The following IGSF3 variants were observed in gnomAD, a reference collection of about 807,000 sequenced individuals.
The protein encoded by IGSF3 is glu-Trp-Ile EWI motif-containing protein 3.
In IGSF3, 23 loss-of-function variants were observed where a neutral mutation model predicts 114.4. The observed-to-expected ratio is 0.20, with a 90% CI of 0.14 to 0.28. IGSF3 has a LOEUF of 0.28. Ranked by LOEUF, IGSF3 falls within the 10% of genes least tolerant of loss-of-function variation. IGSF3 has a pLI of 1.00. For missense variants in IGSF3, 1,172 were observed against 1,591.5 expected (o/e 0.74, Z 4.48); for synonymous variants, 571 against 645.2 (o/e 0.88, Z 1.74).
In IGSF3 at chr1:116,584,793, C is replaced by G. The variant is rs1409867962; in HGVS notation, c.2700G>C (p.Val900=). 6.2e-7 allele frequency: 1 copy of G among 1,614,262 alleles called. No individual in the cohort carries two copies. Among genetic ancestry groups the G allele is most frequent in the Non-Finnish European group, 8.5e-7 (1 of 1,180,048 alleles). The change falls in exon 9 of 11, where the codon GTG becomes GTC. Residue 900 remains valine, a synonymous_variant. Coordinates refer to ENST00000369486, the MANE Select transcript of IGSF3 (RefSeq NM_001007237.3). The surrounding 1 kb of genome is among the most constrained non-coding windows in gnomAD (Gnocchi z 5.8). Reference sequence around the variant, plus strand: ...CCACGTTCTGGATGAAGAGACGGTACACGCCGGGGGAAGGACTCTCCAAAT... The same window carrying G: ...CCACGTTCTGGATGAAGAGACGGTAGACGCCGGGGGAAGGACTCTCCAAAT... The part of the protein sequence containing the change: ...RLHLESPSPG[V]YRLFIQNVAV...
rs752695526 is a variant in IGSF3 at position 116,613,853 on chromosome 1, G to A, written c.744C>T (p.Ala248=). The A allele has an allele frequency of 4.1e-5, 66 of 1,613,858 alleles. No individual in the cohort carries two copies. Among genetic ancestry groups the A allele is most frequent in the Admixed American group, 1.0e-4 (6 of 59,996 alleles). ...PSDQGEFYCE[A]AEWIQDPDGS... Reference sequence around the variant, plus strand: ...CATCCGGATCCTGGATCCACTCGGCGGCCTCGCAGTAGAATTCGCCCTGGT... The same window carrying A: ...CATCCGGATCCTGGATCCACTCGGCAGCCTCGCAGTAGAATTCGCCCTGGT... Residue 248 remains alanine (A), a synonymous_variant, in exon 4 of 11, where the codon GCC becomes GCT. Coordinates refer to ENST00000369486, the MANE Select transcript of IGSF3 (RefSeq NM_001007237.3).
intron 2 of IGSF3, among the ~76,000 whole-genome samples, chr1:116,639,337 C>T (rs923715063): frequency 2.6e-5 from 4 of 152,214 alleles, no homozygotes; most frequent in East Asian, 1.9e-4. Flanking sequence ...CCCTTAATTC[C>T]GTGAAACATC....
In IGSF3 at chr1:116,588,896, C is replaced by G. The variant is rs1659969359; in HGVS notation, c.2238G>C (p.Glu746Asp). The G allele has an allele frequency of 4.3e-6, 7 of 1,614,230 alleles. No homozygotes were observed. Among genetic ancestry groups the G allele is most frequent in the Middle Eastern group, 3.3e-4 (2 of 6,062 alleles). Reference protein sequence around the residue: ...NSAFEYGTYAEEEGLRARLQF... With the variant: ...NSAFEYGTYADEEGLRARLQF... ...GGAGCCTGGCTCTCAGGCCCTCCTCCTCGGCGTAAGTACCGTATTCAAAGG... is the reference window on the plus strand; with the variant it reads ...GGAGCCTGGCTCTCAGGCCCTCCTCGTCGGCGTAAGTACCGTATTCAAAGG... Residue 746 changes from glutamate to aspartate, a missense_variant, in exon 8 of 11, where the codon GAG (glutamate) becomes GAC (aspartate). By Grantham distance (45) the Glu-to-Asp change is conservative. Transcript: ENST00000369486. The surrounding 1 kb of genome is among the most constrained non-coding windows in gnomAD (Gnocchi z 4.9).
At position 116,585,018 on chromosome 1, in the gene IGSF3, G is replaced by A. The variant is rs376786283; in HGVS notation, c.2475C>T (p.Asn825=). Residue 825 remains asparagine (N), a synonymous_variant, in exon 9 of 11, where the codon AAC becomes AAT. Coordinates refer to ENST00000369486, the MANE Select transcript of IGSF3 (RefSeq NM_001007237.3). This position sits in a 1 kb window ranked among gnomAD's most constrained non-coding sequence, Gnocchi z 4.9. The part of the protein sequence containing the change: ...SRLRLSQAQG[N]LSVLETRQVQ... ...CCTGCCGGGTCTCCAGAACCGACAGGTTCCCCTGGGCTTGGCTGAGCCTCA... is the reference window on the plus strand; with the variant it reads ...CCTGCCGGGTCTCCAGAACCGACAGATTCCCCTGGGCTTGGCTGAGCCTCA... 7.7e-6 allele frequency: 12 copies of A among 1,560,276 alleles called. No homozygotes were observed. Among genetic ancestry groups the A allele is most frequent in the African/African-American group, 1.4e-5 (1 of 73,776 alleles).
intron 2 of IGSF3, among the ~76,000 whole-genome samples, chr1:116,620,562 C>G (rs1372751068): frequency 6.6e-6 from 1 of 152,098 alleles, no homozygotes; most frequent in Non-Finnish European, 1.5e-5. Context: ...AATGTGACTT[C>G]CAGGGCTAGG....
Position 116,612,331 on chromosome 1 carries a change from C to T in IGSF3, c.832+1434G>A, listed in dbSNP as rs4127974. On this transcript the variant is annotated intron_variant, in intron 4 of 10. Transcript: ENST00000369486. This position sits in a 1 kb window ranked among gnomAD's most constrained non-coding sequence, Gnocchi z 4.1. ...TGCTCCCTATCCCTACCAACCCCTA[C>T]GGTAAAAGATTTCACATCCATTAGA... is the stretch of plus-strand genomic sequence containing the variant. Among the ~76,000 whole-genome samples, 72 of 152,198 alleles carry T rather than the reference C, an allele frequency of 4.7e-4. No individual in the cohort carries two copies. The highest frequency in any genetic ancestry group is 1.7e-3 in the African/African-American group (70 of 41,540).
At position 116,647,728 on chromosome 1, in the gene IGSF3, G is replaced by A. The variant is rs1300345449; in HGVS notation, c.43+18556C>T. Among the ~76,000 whole-genome samples, 5 of 152,220 alleles carry A rather than the reference G, an allele frequency of 3.3e-5. No individual in the cohort carries two copies. The highest frequency in any genetic ancestry group is 1.3e-4 in the Admixed American group (2 of 15,284). ...GAACAAGACAAACAAACGAAAGGCC[G>A]ACTGACAGACCACTCGGGTAGCACT... On this transcript the variant is annotated intron_variant, in intron 2 of 10. Transcript: ENST00000369486. The surrounding 1 kb of genome is among the most constrained non-coding windows in gnomAD (Gnocchi z 4.6).
At chr1:116,586,374 T>C (rs1016182820) in intron 8 of IGSF3, among the ~76,000 whole-genome samples, 1 of 152,100 alleles carries the variant, frequency 6.6e-6, no homozygotes, top group Non-Finnish European at 1.5e-5. Flanking sequence ...AGTTTTGTTT[T>C]TTTGGGGGGG....
Position 116,607,929 on chromosome 1 carries a change from T to A in IGSF3, c.1222+13A>T. ...AGCCAAAGGAGAAGAAAGCAGCACA[T>A]CTCTCTACTTACTGAGGGGGAGGAC... On this transcript the variant is annotated intron_variant, in intron 5 of 10. Coordinates refer to ENST00000369486, the MANE Select transcript of IGSF3 (RefSeq NM_001007237.3). This position sits in a 1 kb window ranked among gnomAD's most constrained non-coding sequence, Gnocchi z 6.1. 1 of 1,612,454 alleles carries A rather than the reference T, an allele frequency of 6.2e-7. No homozygotes were observed. Among genetic ancestry groups the A allele is most frequent in the South Asian group, 1.1e-5 (1 of 90,958 alleles).
rs147833308 is a variant in IGSF3 at position 116,610,893 on chromosome 1, G to C, written c.833-2562C>G. ...ACCTGATGGATGGGCTCTTTCATTA[G>C]AATTTACAAAAACAAAAGGCAGCCA... On this transcript the variant is annotated intron_variant, in intron 4 of 10. Coordinates refer to ENST00000369486, the MANE Select transcript of IGSF3 (RefSeq NM_001007237.3). The surrounding 1 kb of genome is among the most constrained non-coding windows in gnomAD (Gnocchi z 4.3). Among the ~76,000 whole-genome samples the C allele has an allele frequency of 2.5e-3, 375 of 152,260 alleles. No individual in the cohort carries two copies. The highest frequency in any genetic ancestry group is 3.6e-3 in the Non-Finnish European group (246 of 68,026).
At chr1:116,631,041 G>A (rs1219820213) in intron 2 of IGSF3, among the ~76,000 whole-genome samples, 2 of 152,112 alleles carry the variant, frequency 1.3e-5, no homozygotes, top group African/African-American at 2.4e-5. Flanking sequence ...GGGCTTGGCC[G>A]GGCATGGTGG....
chr1:116,579,896 C>T lies in IGSF3; in HGVS notation c.2849-19G>A. ...GAAGCATCTGGGGAATGACAAGGGA[C>T]AAACAGGGAAGGGGTTGTTTAAATT... On this transcript the variant is annotated intron_variant, in intron 9 of 10. Coordinates refer to ENST00000369486, the MANE Select transcript of IGSF3 (RefSeq NM_001007237.3). The surrounding 1 kb of genome is among the most constrained non-coding windows in gnomAD (Gnocchi z 6.4). 6.3e-7 allele frequency: 1 copy of T among 1,577,516 alleles called. No individual in the cohort carries two copies. Among genetic ancestry groups the T allele is most frequent in the South Asian group, 1.1e-5 (1 of 87,628 alleles).
In IGSF3 at chr1:116,576,096, T is replaced by C. The variant is rs1429455917; in HGVS notation, c.*1216A>G. ...ATCACTATAATTAAGGAAAATCTAA[T>C]TGGAAGGAAGAAGAAAAACCTAGTC... On this transcript the variant is annotated 3_prime_UTR_variant, in exon 11 of 11. Transcript: ENST00000369486. The surrounding 1 kb of genome is among the most constrained non-coding windows in gnomAD (Gnocchi z 4.6). 1.3e-5 allele frequency: 2 copies of C among 152,106 alleles called. No individual in the cohort carries two copies. Among genetic ancestry groups the C allele is most frequent in the Non-Finnish European group, 2.9e-5 (2 of 68,064 alleles). 9.4% of individuals were successfully genotyped at this position (152,106 alleles called of 1,614,324 possible).
intron 2 of IGSF3, among the ~76,000 whole-genome samples, chr1:116,658,372 T>G (rs980314033): frequency 3.3e-5 from 5 of 152,208 alleles, no homozygotes; most frequent in Admixed American, 3.3e-4. Context: ...CAGAAGCTCT[T>G]GCTTTGGTAC....
At chr1:116,659,946 T>G (rs1649041859) in intron 2 of IGSF3, among the ~76,000 whole-genome samples, 1 of 151,350 alleles carries the variant, frequency 6.6e-6, no homozygotes, top group Non-Finnish European at 1.5e-5. Context: ...AATCAAGGAG[T>G]CATAACTAAG....
chr1:116,584,772 G>A lies in IGSF3; in HGVS notation c.2721C>T (p.Asn907=), dbSNP rs1482364163. The change falls in exon 9 of 11, where the codon AAC becomes AAT. Residue 907 remains asparagine (N), a synonymous_variant. Transcript: ENST00000369486. This position sits in a 1 kb window ranked among gnomAD's most constrained non-coding sequence, Gnocchi z 5.8. ...AGGTCCCGCTGTCCTGCACAGCCAC[G>A]TTCTGGATGAAGAGACGGTACACGC... ...SPGVYRLFIQ[N]VAVQDSGTYS... is the part of the protein sequence containing the mutation. 4.6e-5 allele frequency: 74 copies of A among 1,614,114 alleles called. No homozygotes were observed. In the Admixed American group the frequency reaches 6.5e-4, roughly 14 times the overall value.
rs1647477905 is a variant in IGSF3 at position 116,629,884 on chromosome 1, C to T, written c.44-13427G>A. Among the ~76,000 whole-genome samples the T allele has an allele frequency of 6.6e-6, 1 of 152,222 alleles. No homozygotes were observed. Among genetic ancestry groups the T allele is most frequent in the Non-Finnish European group, 1.5e-5 (1 of 68,050 alleles). ...TAACGCATCTCTTCTCTTGCTTCTT[C>T]CAATTGGATGCCTTCATGAGGCATT... On this transcript the variant is annotated intron_variant, in intron 2 of 10. Transcript: ENST00000369486. This position sits in a 1 kb window ranked among gnomAD's most constrained non-coding sequence, Gnocchi z 4.3.
chr1:116,618,969 C>T lies in IGSF3; in HGVS notation c.44-2512G>A, dbSNP rs1055372596. Among the ~76,000 whole-genome samples, 2 of 152,180 alleles carry T rather than the reference C, an allele frequency of 1.3e-5. No homozygotes were observed. The highest frequency in any genetic ancestry group is 2.9e-5 in the Non-Finnish European group (2 of 68,038). The stretch of plus-strand genomic sequence containing the variant: ...CACCTGGGGAGCTTTAAAGAACTAA[C>T]AGTGCCTGGACCCCACCTGACATAA... On this transcript the variant is annotated intron_variant, in intron 2 of 10. Coordinates refer to ENST00000369486, the MANE Select transcript of IGSF3 (RefSeq NM_001007237.3). This position sits in a 1 kb window ranked among gnomAD's most constrained non-coding sequence, Gnocchi z 4.7.
At chr1:116,619,192 A>G (rs1661330425) in intron 2 of IGSF3, among the ~76,000 whole-genome samples, 1 of 152,190 alleles carries the variant, frequency 6.6e-6, no homozygotes, top group Admixed American at 6.5e-5. Context: ...AGAAAGCTTC[A>G]TTCTCCTCCA....
Sources: allele counts gnomAD v4.1 joint callset (sites outside exome capture counted in the v4.1 genomes callset), GRCh38; gene constraint gnomAD v4.1.1; non-coding constraint Gnocchi (gnomAD v3.1); transcripts MANE v1.5; gene names NCBI Gene and HGNC (gene_info 2026-07-23, HGNC 2026-07-21).